The following EIF2AK1 variants were observed in gnomAD, a reference collection of about 807,000 sequenced individuals.
EIF2AK1 encodes the protein eukaryotic translation initiation factor 2 alpha kinase 1, also known as eukaryotic translation initiation factor 2-alpha kinase 1.
A neutral mutation model predicts 77.9 loss-of-function variants in EIF2AK1; 54 were observed. The ratio of observed to expected loss-of-function variants is 0.69; its 90% CI spans 0.56 to 0.87. The LOEUF is 0.87. EIF2AK1 is among the 40% of genes least tolerant of loss of function. EIF2AK1 has a pLI of 0.00. For missense variants in EIF2AK1, 810 were observed against 768.6 expected, an observed-to-expected ratio of 1.05 and a Z score of -0.64; for synonymous variants, 314 against 290.5, an observed-to-expected ratio of 1.08 and a Z score of -0.82.
At chr7:6,031,531 T>C in intron 11 of EIF2AK1, 2 of 1,550,714 alleles carry the variant, frequency 1.3e-6, no homozygotes, top group South Asian at 1.2e-5. Context: ...GAAATCACCC[T>C]GTCAACCAGC....
chr7:6,034,396 C>T (rs982506628), intron 11 of EIF2AK1, among the ~76,000 whole-genome samples: 1 of 152,168 alleles, frequency 6.6e-6, no homozygotes, highest in Non-Finnish European at 1.5e-5. Context: ...CAGCCTCTCC[C>T]TGAGCACCCC....
intron 7 of EIF2AK1, among the ~76,000 whole-genome samples, chr7:6,044,260 C>T (rs1374000190): frequency 6.6e-6 from 1 of 151,694 alleles, no homozygotes; most frequent in Non-Finnish European, 1.5e-5. Flanking sequence ...GTCAGGAGAT[C>T]GAGACCATCC....
intron 8 of EIF2AK1, 66 bp from the exon 9 acceptor site, chr7:6,041,285 T>C (rs1788289778): frequency 1.3e-6 from 2 of 1,492,490 alleles, no homozygotes; most frequent in Non-Finnish European, 1.8e-6. Context: ...ATGCCTGTAA[T>C]CCCAGCACTT....
intron 2 of EIF2AK1, among the ~76,000 whole-genome samples, chr7:6,051,214 G>A (rs986826632): frequency 1.3e-5 from 2 of 151,834 alleles, no homozygotes; most frequent in Admixed American, 6.6e-5. Context: ...CCACAAAGGT[G>A]CCTTGGCTCC....
chr7:6,057,788 C>A (rs1361291868), intron 1 of EIF2AK1, among the ~76,000 whole-genome samples: 1 of 151,970 alleles, frequency 6.6e-6, no homozygotes, highest in Non-Finnish European at 1.5e-5. Flanking sequence ...ACCGCCACCA[C>A]GCCCAGCTAA....
chr7:6,048,749 T>C lies in EIF2AK1; in HGVS notation c.449+58A>G, dbSNP rs1788514792. 5.3e-6 allele frequency: 7 copies of C among 1,328,898 alleles called. No individual in the cohort carries two copies. In the Admixed American group the frequency reaches 1.6e-4, roughly 30 times the overall value. 82.3% of individuals were successfully genotyped at this position (1,328,898 alleles called of 1,614,324 possible). A position where few individuals can be genotyped will look rare whatever the true frequency, so the allele number is the denominator to read the frequency against. On this transcript the variant is annotated intron_variant, in intron 4 of 14. Transcript: ENST00000199389. ...ATGTTTTAACCTCAAATCAGTATTT[T>C]CTTAATTTTGATTTCTTTTCAATAG...
Position 6,023,681 on chromosome 7 carries a change from T to A in EIF2AK1, c.*992A>T. 1.2e-6 allele frequency: 2 copies of A among 1,614,100 alleles called. No individual in the cohort carries two copies. Among genetic ancestry groups the A allele is most frequent in the Admixed American group, 3.3e-5 (2 of 59,984 alleles). On this transcript the variant is annotated 3_prime_UTR_variant, in exon 15 of 15. Coordinates refer to ENST00000199389, the MANE Select transcript of EIF2AK1 (RefSeq NM_014413.4). Reference sequence around the variant, plus strand: ...GCTCCTTTTAACACGGCCCTCAAGCTCCTTAAGTGAATTGCCGTAACTGAT... The same window carrying A: ...GCTCCTTTTAACACGGCCCTCAAGCACCTTAAGTGAATTGCCGTAACTGAT...
rs1482228751 is a variant in EIF2AK1, at chr7:6,035,876, A to G, written c.1332+1548T>C. Reference sequence around the variant, plus strand: ...TTGCAGTGTGCACTGCATCAAGCAAAGCAGGCCGACTCCTCGGGGCGGGGG... The same window carrying G: ...TTGCAGTGTGCACTGCATCAAGCAAGGCAGGCCGACTCCTCGGGGCGGGGG... On this transcript the variant is annotated intron_variant, in intron 11 of 14. Coordinates refer to ENST00000199389, the MANE Select transcript of EIF2AK1 (RefSeq NM_014413.4). The surrounding 1 kb of genome is among the most constrained non-coding windows in gnomAD (Gnocchi z 5.5). The G allele has an allele frequency of 1.3e-6, 2 of 1,547,352 alleles. No individual in the cohort carries two copies. The highest frequency in any genetic ancestry group is 1.4e-5 in the African/African-American group (1 of 73,084).
chr7:6,051,999 C>T (rs933832253), intron 2 of EIF2AK1, among the ~76,000 whole-genome samples: 25 of 151,616 alleles, frequency 1.6e-4, no homozygotes, highest in Non-Finnish European at 7.4e-5. Flanking sequence ...AGTGAAACTC[C>T]GTCTCTACTA....
intron 2 of EIF2AK1, among the ~76,000 whole-genome samples, chr7:6,052,313 G>A (rs911094398): frequency 2.0e-5 from 3 of 151,598 alleles, no homozygotes; most frequent in African/African-American, 7.3e-5. Context: ...TATTTGATGA[G>A]ACTAATACAA....
At chr7:6,038,444 A>T (rs1788168335) in intron 10 of EIF2AK1, 116 bp downstream of exon 10, 1 of 678,380 alleles carries the variant, frequency 1.5e-6, no homozygotes, top group African/African-American at 1.9e-5. Flanking sequence ...GTCTCAAAAA[A>T]ATAAAATAAA....
At position 6,051,196 on chromosome 7, in the gene EIF2AK1, G is replaced by A. The variant is rs896967813; in HGVS notation, c.278-1151C>T. On this transcript the variant is annotated intron_variant, in intron 2 of 14. Transcript: ENST00000199389. ...CCAAATATCAAGCTCCTTAGAAAAA[G>A]TAAGTTTCCACAAAGGTGCCTTGGC... Among the ~76,000 whole-genome samples, 5 of 151,760 alleles carry A rather than the reference G, an allele frequency of 3.3e-5. No homozygotes were observed. The East Asian group carries it at 9.7e-4, about 29-fold the overall frequency.
chr7:6,043,395 A>G (rs1788350958), intron 7 of EIF2AK1, among the ~76,000 whole-genome samples: 1 of 151,942 alleles, frequency 6.6e-6, no homozygotes. Flanking sequence ...TGCACAATAT[A>G]GTGAGATTCC....
intron 1 of EIF2AK1, among the ~76,000 whole-genome samples, chr7:6,054,994 G>C (rs1788709159): frequency 6.6e-6 from 1 of 152,126 alleles, no homozygotes; most frequent in Non-Finnish European, 1.5e-5. Context: ...AGTGGGACTA[G>C]GATGGCTTCC....
In EIF2AK1 at chr7:6,032,879, A is replaced by G. The variant is rs1027846740; in HGVS notation, c.1333-3847T>C. On this transcript the variant is annotated intron_variant, in intron 11 of 14. Coordinates refer to ENST00000199389, the MANE Select transcript of EIF2AK1 (RefSeq NM_014413.4). This position sits in a 1 kb window ranked among gnomAD's most constrained non-coding sequence, Gnocchi z 4.3. ...ATCCCCATCCATCTGGCTGCCAAGT[A>G]CCACAAGGCCCAGAGTCTGCTCTGC... The G allele has an allele frequency of 1.3e-6, 2 of 1,550,968 alleles. No homozygotes were observed. Among genetic ancestry groups the G allele is most frequent in the South Asian group, 1.2e-5 (1 of 84,066 alleles).
At chr7:6,051,261 T>A (rs1378724531) in intron 2 of EIF2AK1, among the ~76,000 whole-genome samples, 1 of 150,766 alleles carries the variant, frequency 6.6e-6, no homozygotes, top group Admixed American at 6.7e-5. Context: ...ATGAGGACAT[T>A]TTTTTTTCTT....
rs1788880104 is a variant in EIF2AK1, at chr7:6,059,067, G to A, written c.17C>T (p.Ser6Phe). The change falls in exon 1 of 15, where the codon TCC becomes TTC. Residue 6 changes from serine to phenylalanine, a missense_variant. Ser to Phe is a radical substitution (Grantham distance 155). This residue lies in a region of EIF2AK1 where 246 missense variants were observed against 199.0 expected (regional missense o/e 1.24). Transcript: ENST00000199389. MQGGN[S>F]GVRKREEEGD... ...CTCCTCTTCGCGCTTGCGGACCCCG[G>A]AGTTGCCCCCCTGCATCGCCGGCCG... 6.8e-7 allele frequency: 1 copy of A among 1,462,462 alleles called. No individual in the cohort carries two copies. Among genetic ancestry groups the A allele is most frequent in the South Asian group, 1.4e-5 (1 of 73,856 alleles). The allele number at this position is 1,462,462 out of a possible 1,614,324, so 90.6% of individuals were successfully genotyped here.
In EIF2AK1 at chr7:6,036,081, T is replaced by A. The variant is rs1211149938; in HGVS notation, c.1332+1343A>T. 1.3e-6 allele frequency: 2 copies of A among 1,550,898 alleles called. No individual in the cohort carries two copies. The highest frequency in any genetic ancestry group is 1.4e-5 in the African/African-American group (1 of 73,016). On this transcript the variant is annotated intron_variant, in intron 11 of 14. Coordinates refer to ENST00000199389, the MANE Select transcript of EIF2AK1 (RefSeq NM_014413.4). This position sits in a 1 kb window ranked among gnomAD's most constrained non-coding sequence, Gnocchi z 4.6. The stretch of plus-strand genomic sequence containing the variant: ...AAACGGGGAATCTCCAATTTATATG[T>A]ACCTTCAGCGCAGTTGCAATGTAAG...
At position 6,027,617 on chromosome 7, in the gene EIF2AK1, G is replaced by A. The variant is rs1041085840; in HGVS notation, c.1531-656C>T. Among the ~76,000 whole-genome samples, 6 of 151,936 alleles carry A rather than the reference G, an allele frequency of 3.9e-5. No homozygotes were observed. The highest frequency in any genetic ancestry group is 4.1e-4 in the South Asian group (2 of 4,824). The stretch of plus-strand genomic sequence containing the variant: ...GAGATTCAAACTTTACAGCATGTTC[G>A]TTCTATTTCAAGGGGAGTCAAGGGG... On this transcript the variant is annotated intron_variant, in intron 13 of 14. Coordinates refer to ENST00000199389, the MANE Select transcript of EIF2AK1 (RefSeq NM_014413.4). The surrounding 1 kb of genome is among the most constrained non-coding windows in gnomAD (Gnocchi z 4.5).
Sources: allele counts gnomAD v4.1 joint callset (sites outside exome capture counted in the v4.1 genomes callset), GRCh38; gene constraint gnomAD v4.1.1; regional missense constraint gnomAD v4.1.1; non-coding constraint Gnocchi (gnomAD v3.1); transcripts MANE v1.5; gene names NCBI Gene and HGNC (gene_info 2026-07-23, HGNC 2026-07-21).